RTN4: variants seen among roughly 807,000 people sequenced by gnomAD.
RTN4 encodes the protein reticulon-4.
A neutral mutation model predicts 90.4 loss-of-function variants in RTN4; 32 were observed. The ratio of observed to expected loss-of-function variants is 0.35; its 90% CI spans 0.27 to 0.48. The LOEUF (loss-of-function observed/expected upper bound fraction) is 0.48, where lower values mean the gene tolerates loss of function less well. Ranked by LOEUF, RTN4 falls within the 20% of genes least tolerant of loss-of-function variation. The pLI is 0.99. For missense variants in RTN4, 1,706 were observed against 1,430.2 expected (o/e 1.19, Z -3.11); for synonymous variants, 629 against 552.5 (o/e 1.14, Z -1.94).
chr2:55,074,344 A>C (rs1259156681), intron 2 of RTN4, among the ~76,000 whole-genome samples: 8 of 151,996 alleles, frequency 5.3e-5, no homozygotes, highest in Admixed American at 5.2e-4. Flanking sequence ...CTCTACAAAA[A>C]ATGTTAAAAT....
chr2:55,130,274 T>A, the RTN4 span, among the ~76,000 whole-genome samples: 1 of 152,220 alleles, frequency 6.6e-6, no homozygotes, highest in Non-Finnish European at 1.5e-5. Context: ...ATGTTTATGT[T>A]TATATTTAAA....
In RTN4 at chr2:55,090,999, T is replaced by C. The variant is rs540054049; in HGVS notation, c.-213-10360A>G. Among the ~76,000 whole-genome samples, 6 of 152,190 alleles carry C rather than the reference T, an allele frequency of 3.9e-5. No individual in the cohort carries two copies. The East Asian group carries it at 5.8e-4, about 15-fold the overall frequency. ...TTTTCAACTTCTCTGCACATCTCCA[T>C]TGATTCCACCCAAGAAGTCTCAGCC... On this transcript the variant is annotated intron_variant, in intron 1 of 3. Transcript: ENST00000427710.
At chr2:55,008,060 A>C (rs1680363333) in intron 3 of RTN4, among the ~76,000 whole-genome samples, 1 of 152,046 alleles carries the variant, frequency 6.6e-6, no homozygotes, top group African/African-American at 2.4e-5. Flanking sequence ...AGAAAATATG[A>C]AGAATATATA....
chr2:55,125,021 T>C, the RTN4 span, among the ~76,000 whole-genome samples: 13 of 152,282 alleles, frequency 8.5e-5, no homozygotes, highest in Non-Finnish European at 1.3e-4. Context: ...ATGCGGAAGA[T>C]TGAAAATGGA....
At chr2:55,043,473 C>T (rs1399831314) in intron 1 of RTN4, among the ~76,000 whole-genome samples, 2 of 152,024 alleles carry the variant, frequency 1.3e-5, no homozygotes, top group Non-Finnish European at 1.5e-5. Context: ...AAATAAATGG[C>T]GGGGCACAGT....
At chr2:54,988,414 C>T (rs778542204) in intron 3 of RTN4, among the ~76,000 whole-genome samples, 8 of 152,078 alleles carry the variant, frequency 5.3e-5, no homozygotes, top group Non-Finnish European at 8.8e-5. Flanking sequence ...AATATTAACA[C>T]ACTAAAATGA....
At chr2:55,010,491 T>A in intron 3 of RTN4, 1 of 370,520 alleles carries the variant, frequency 2.7e-6, no homozygotes, top group Non-Finnish European at 3.9e-6. Flanking sequence ...ACTGAATGTA[T>A]CTGAAATGCA....
At chr2:54,999,186 T>C (rs1435806427) in intron 3 of RTN4, among the ~76,000 whole-genome samples, 4 of 152,210 alleles carry the variant, frequency 2.6e-5, no homozygotes, top group African/African-American at 7.2e-5. Flanking sequence ...CTGTGTGTAA[T>C]AGCATCTTTA....
chr2:55,101,730 G>T (rs2968814), intron 1 of RTN4, among the ~76,000 whole-genome samples: 149,393 of 152,226 alleles, frequency 0.98, 73,341 homozygotes, highest in African/African-American at 0.99. Flanking sequence ...CAGCCCTGTG[G>T]ATATCCTGGA....
rs765849064 is a variant in RTN4, at chr2:55,027,160, G to A, written c.939C>T (p.Ala313=). 3.8e-5 allele frequency: 62 copies of A among 1,613,274 alleles called. No homozygotes were observed. Among genetic ancestry groups the A allele is most frequent in the South Asian group, 1.6e-4 (15 of 91,038 alleles). The change falls in exon 3 of 9, where the codon GCC becomes GCT. Residue 313 remains alanine, a synonymous_variant. Coordinates refer to ENST00000337526, the MANE Select transcript of RTN4 (RefSeq NM_020532.5). ...CTTCCCTAGGATTTGCTACTATTAC[G>A]GCAGATTCTGCTTTTGGAGAGACAC... ...SFSVSPKAES[A]VIVANPREEI... is the part of the protein sequence containing the mutation.
chr2:54,987,672 T>A lies in RTN4; in HGVS notation c.3040A>T (p.Ile1014Phe). The A allele has an allele frequency of 6.2e-7, 1 of 1,614,080 alleles. No individual in the cohort carries two copies. The change falls in exon 4 of 9, where the codon ATT (isoleucine) becomes TTT (phenylalanine). Residue 1014 changes from isoleucine (I) to phenylalanine (F), a missense_variant. Coordinates refer to ENST00000337526, the MANE Select transcript of RTN4 (RefSeq NM_020532.5). ...CCAAACACCACTCCAGTCTTCTTAA[T>A]GTCTCTCCAGTACAGGAGGTCAACA... ...SVVDLLYWRD[I>F]KKTGVVFGAS...
chr2:55,112,148 C>T (rs187125112), intron 1 of RTN4, among the ~76,000 whole-genome samples: 69 of 152,210 alleles, frequency 4.5e-4, no homozygotes, highest in Non-Finnish European at 9.0e-4. Context: ...GTGTTCAGGA[C>T]TATATGAGGC....
intron 1 of RTN4, among the ~76,000 whole-genome samples, chr2:55,087,751 A>G (rs1668869921): frequency 6.6e-6 from 1 of 151,966 alleles, no homozygotes; most frequent in African/African-American, 2.4e-5. Flanking sequence ...GATATTGGCA[A>G]AATTGCTTTC....
At chr2:54,993,578 CGG>C (rs1265091612) in intron 3 of RTN4, among the ~76,000 whole-genome samples, 1 of 152,134 alleles carries the variant, frequency 6.6e-6, no homozygotes, top group Non-Finnish European at 1.5e-5. Context: ...CCTAGGAACA[CGG>C]TCTTTTCAAT....
intron 5 of RTN4, among the ~76,000 whole-genome samples, chr2:54,979,489 T>C (rs556544333): frequency 6.6e-6 from 1 of 152,350 alleles, no homozygotes; most frequent in African/African-American, 2.4e-5. Flanking sequence ...AAAGTGATTT[T>C]TATCAGCTTC....
chr2:55,069,953 G>C (rs780357714), intron 2 of RTN4, among the ~76,000 whole-genome samples: 22 of 152,162 alleles, frequency 1.4e-4, no homozygotes, highest in Non-Finnish European at 3.1e-4. Flanking sequence ...AGAATTAAGA[G>C]AAAGCAGCAA....
At chr2:55,071,720 C>T (rs7607464) in intron 2 of RTN4, among the ~76,000 whole-genome samples, 23,465 of 152,034 alleles carry the variant, frequency 0.15, 3,052 homozygotes, top group African/African-American at 0.36. Flanking sequence ...CCAGCACTGC[C>T]GCAGTGCCTG....
At chr2:55,126,817 C>T in the RTN4 span, among the ~76,000 whole-genome samples, 3 of 152,136 alleles carry the variant, frequency 2.0e-5, no homozygotes, top group Non-Finnish European at 4.4e-5. Context: ...AAATATGGTA[C>T]ACACACACCA....
Position 55,026,540 on chromosome 2 carries a change from A to G in RTN4, c.1559T>C (p.Val520Ala). The G allele has an allele frequency of 6.2e-7, 1 of 1,613,774 alleles. No homozygotes were observed. Among genetic ancestry groups the G allele is most frequent in the Non-Finnish European group, 8.5e-7 (1 of 1,179,918 alleles). The change falls in exon 3 of 9, where the codon GTA becomes GCA. Residue 520 changes from valine to alanine, a missense_variant. Coordinates refer to ENST00000337526, the MANE Select transcript of RTN4 (RefSeq NM_020532.5). ...TSTKTSNPFL[V>A]AAQDSETDYV... ...ATCTGTCTCAGAATCCTGTGCTGCT[A>G]CAAGAAAAGGGTTTGATGTTTTGGT...
Sources: allele counts gnomAD v4.1 joint callset (sites outside exome capture counted in the v4.1 genomes callset), GRCh38; gene constraint gnomAD v4.1.1; transcripts MANE v1.5; gene names NCBI Gene and HGNC (gene_info 2026-07-23, HGNC 2026-07-21).